ESYT2: variants seen among roughly 807,000 people sequenced by gnomAD.
ESYT2 encodes the protein extended synaptotagmin 2.
In ESYT2, 54 loss-of-function variants were observed where a neutral mutation model predicts 107.2. The ratio of observed to expected loss-of-function variants is 0.50; its 90% confidence interval spans 0.40 to 0.63. The LOEUF is 0.63. ESYT2 is among the 30% of genes least tolerant of loss of function. The pLI, the probability that ESYT2 is intolerant of heterozygous loss-of-function variation, is 0.00. For missense variants in ESYT2, 1,020 were observed against 1,094.5 expected (o/e 0.93, Z 0.96); for synonymous variants, 491 against 434.1 (o/e 1.13, Z -1.63).
chr7:158,816,300 T>C lies in ESYT2; in HGVS notation c.330+12789A>G, dbSNP rs557756449. ...AGGAGGTCGAGACTGCAGTGAGCTA[T>C]GATCACACAACCACACTCCAGCCTA... On this transcript the variant is annotated intron_variant, in intron 1 of 22. Transcript: ENST00000275418. Among the ~76,000 whole-genome samples, 116 of 152,334 alleles carry C rather than the reference T, an allele frequency of 7.6e-4. 1 individual carries two copies. The South Asian group carries it at 0.012, about 16-fold the overall frequency.
chr7:158,786,997 G>A (rs1485258661), intron 6 of ESYT2, among the ~76,000 whole-genome samples: 1 of 152,176 alleles, frequency 6.6e-6, no homozygotes, highest in Non-Finnish European at 1.5e-5. Context: ...CAAAGAAAAA[G>A]GCACAGGGAG....
intron 6 of ESYT2, among the ~76,000 whole-genome samples, chr7:158,783,459 G>C (rs1838997803): frequency 6.6e-6 from 1 of 152,152 alleles, no homozygotes; most frequent in African/African-American, 2.4e-5. Context: ...CCTTTCTCCA[G>C]TTTTTTATTT....
chr7:158,781,066 TAA>T (rs1218453081), intron 6 of ESYT2, among the ~76,000 whole-genome samples: 1 of 152,010 alleles, frequency 6.6e-6, no homozygotes, highest in Non-Finnish European at 1.5e-5. Context: ...TGTGAGAACA[TAA>T]GAGCAAATGT....
At chr7:158,806,581 T>G (rs35465787) in intron 1 of ESYT2, among the ~76,000 whole-genome samples, 1 of 152,154 alleles carries the variant, frequency 6.6e-6, no homozygotes, top group African/African-American at 2.4e-5. Context: ...GAAACACTAA[T>G]GTCAACAGAC....
At position 158,792,606 on chromosome 7, in the gene ESYT2, T is replaced by G. The variant is rs191205212; in HGVS notation, c.584+1044A>C. On this transcript the variant is annotated intron_variant, in intron 4 of 22. Transcript: ENST00000275418. ...TATATATATAATGTCTTTCTTCCTT[T>G]CCAGCCTGGGTGCCCTTTATTTCTT... Among the ~76,000 whole-genome samples, 251 of 151,470 alleles carry G rather than the reference T, an allele frequency of 1.7e-3. 3 individuals carry two copies. Among genetic ancestry groups the G allele is most frequent in the East Asian group, 5.2e-3 (27 of 5,170 alleles).
chr7:158,736,144 G>GCC (rs1353409063), intron 20 of ESYT2, among the ~76,000 whole-genome samples: 1 of 148,368 alleles, frequency 6.7e-6, no homozygotes, highest in Non-Finnish European at 1.5e-5. Context: ...GCGGGTGCCT[G>GCC]CCCCAGGCCA....
chr7:158,796,321 G>T (rs1253555891), intron 3 of ESYT2, among the ~76,000 whole-genome samples: 1 of 148,968 alleles, frequency 6.7e-6, no homozygotes, highest in Non-Finnish European at 1.5e-5. Flanking sequence ...AGGCTTTTAT[G>T]AAAGGTGGTA....
At chr7:158,823,098 G>A (rs188464703) in intron 1 of ESYT2, among the ~76,000 whole-genome samples, 1 of 151,628 alleles carries the variant, frequency 6.6e-6, no homozygotes, top group Non-Finnish European at 1.5e-5. Flanking sequence ...TTCAAGACCA[G>A]CCTGGGCAAC....
intron 13 of ESYT2, among the ~76,000 whole-genome samples, chr7:158,757,381 G>A (rs770345257): frequency 2.0e-5 from 3 of 152,148 alleles, no homozygotes; most frequent in Admixed American, 6.5e-5. Context: ...CACTAGTCCC[G>A]ACGCTCGCCT....
chr7:158,802,481 A>G (rs1169614292), intron 1 of ESYT2, among the ~76,000 whole-genome samples: 2 of 152,186 alleles, frequency 1.3e-5, no homozygotes, highest in Non-Finnish European at 2.9e-5. Flanking sequence ...GGGTTTTGCC[A>G]TGTTGGCCAC....
At chr7:158,797,731 G>A (rs956960989) in intron 3 of ESYT2, among the ~76,000 whole-genome samples, 1 of 151,800 alleles carries the variant, frequency 6.6e-6, no homozygotes, top group East Asian at 1.9e-4. Context: ...GAGGGCGCCT[G>A]TAGTCCCAGC....
Position 158,759,380 on chromosome 7 carries a change from A to C in ESYT2, c.1419+106T>G, listed in dbSNP as rs189559910. On this transcript the variant is annotated intron_variant, in intron 13 of 22. Coordinates refer to ENST00000275418, the MANE Select transcript of ESYT2 (RefSeq NM_001367773.1). Reference sequence around the variant, plus strand: ...CACTTGGACGTGAAGTGAAAACACAACAAGAAGAGAACAGGTGATGCAGAG... The same window carrying C: ...CACTTGGACGTGAAGTGAAAACACACCAAGAAGAGAACAGGTGATGCAGAG... 949 of 861,896 alleles carry C rather than the reference A, an allele frequency of 1.1e-3. 10 individuals carry two copies. The African/African-American group carries it at 0.014, about 13-fold the overall frequency. 53.4% of individuals were successfully genotyped at this position (861,896 alleles called of 1,614,324 possible).
intron 1 of ESYT2, among the ~76,000 whole-genome samples, chr7:158,819,395 CATT>C (rs1427170755): frequency 6.6e-6 from 1 of 152,198 alleles, no homozygotes; most frequent in Non-Finnish European, 1.5e-5. Flanking sequence ...TAACTCTTCT[CATT>C]ATATCATATC....
intron 1 of ESYT2, among the ~76,000 whole-genome samples, chr7:158,818,817 C>T (rs769073488): frequency 6.6e-6 from 1 of 152,252 alleles, no homozygotes; most frequent in Admixed American, 6.5e-5. Flanking sequence ...GCGCAACCCA[C>T]ACCCACCAGA....
At chr7:158,734,363 G>C in intron 22 of ESYT2, 59 bp downstream of exon 22, 1 of 1,610,904 alleles carries the variant, frequency 6.2e-7, no homozygotes. Flanking sequence ...TACCCACTGG[G>C]CGGGGAAAGC....
chr7:158,764,564 A>T (rs755893757), intron 9 of ESYT2, 113 bp downstream of exon 9: 25 of 1,085,484 alleles, frequency 2.3e-5, no homozygotes, highest in Non-Finnish European at 3.2e-5. Context: ...GAACATTTAA[A>T]TGATGGCCTA....
chr7:158,749,846 A>C lies in ESYT2; in HGVS notation c.1483-123T>G, dbSNP rs572180668. 1.2e-5 allele frequency: 10 copies of C among 846,820 alleles called. No individual in the cohort carries two copies. The South Asian group carries it at 1.2e-4, about 11-fold the overall frequency. The allele number at this position is 846,820 out of a possible 1,614,324, so 52.5% of individuals were successfully genotyped here. A position where few individuals can be genotyped will look rare whatever the true frequency, so the allele number is the denominator to read the frequency against. On this transcript the variant is annotated intron_variant, in intron 14 of 22. Transcript: ENST00000275418. ...TTATTTATCTCTGATATTTAAGGGA[A>C]TATCTGGGAACAATTTAATGGGAAA...
At chr7:158,803,165 TC>T (rs1024975896) in intron 1 of ESYT2, among the ~76,000 whole-genome samples, 2 of 152,204 alleles carry the variant, frequency 1.3e-5, no homozygotes, top group Admixed American at 6.5e-5. Context: ...AACGCGCCGT[TC>T]CCCGGAGCAC....
intron 14 of ESYT2, 87 bp downstream of exon 14, chr7:158,752,694 T>C: frequency 1.2e-6 from 1 of 856,028 alleles, no homozygotes; most frequent in Non-Finnish European, 1.6e-6. Flanking sequence ...ATATGGGAGG[T>C]AATTTGCCAA....
Sources: allele counts gnomAD v4.1 joint callset (sites outside exome capture counted in the v4.1 genomes callset), GRCh38; gene constraint gnomAD v4.1.1; transcripts MANE v1.5; gene names NCBI Gene and HGNC (gene_info 2026-07-23, HGNC 2026-07-21).